OCM: variants seen among roughly 807,000 people sequenced by gnomAD.
The protein encoded by OCM is oncomodulin-1.
Under a neutral mutation model 14.1 loss-of-function variants are expected in OCM, and 18 were observed. The ratio of observed to expected loss-of-function variants is 1.28; its 90% CI spans 0.88 to 1.89. The LOEUF is 1.89. Among genes scored for constraint, OCM ranks in the 40% most tolerant of loss-of-function variants. The pLI, the probability that OCM is intolerant of heterozygous loss-of-function variation, is 0.00. For synonymous variants in OCM, 48 were observed against 51.0 expected (o/e 0.94, Z 0.25); for missense variants, 140 against 137.6 (o/e 1.02, Z -0.09).
intron 1 of OCM, among the ~76,000 whole-genome samples, chr7:5,882,082 T>C (rs1327546855): frequency 3.9e-4 from 21 of 53,492 alleles, no homozygotes; most frequent in African/African-American, 1.9e-3. Flanking sequence ...TGAGACTCTG[T>C]CTCAAAAAAA....
chr7:5,884,466 G>A (rs1781292631), intron 3 of OCM, among the ~76,000 whole-genome samples: 1 of 152,150 alleles, frequency 6.6e-6, no homozygotes, highest in Admixed American at 6.6e-5. Flanking sequence ...TTGGACATTA[G>A]CCCGCCAAGG....
At chr7:5,882,876 T>C (rs1445450240) in intron 2 of OCM, among the ~76,000 whole-genome samples, 3 of 144,014 alleles carry the variant, frequency 2.1e-5, no homozygotes, top group Non-Finnish European at 4.5e-5. Context: ...AGGGCCTCAC[T>C]CTGTTGCCCA....
Position 5,886,183 on chromosome 7 carries a change from C to T in OCM, c.*94C>T, listed in dbSNP as rs528888910. On this transcript the variant is annotated 3_prime_UTR_variant, in exon 4 of 4. Coordinates refer to ENST00000242104, the MANE Select transcript of OCM (RefSeq NM_001097622.2). ...GGGGAACCCCACATCCCATCCCTAC[C>T]TAATTTGTTAATTTTCCCTGAAAAC... The T allele has an allele frequency of 1.6e-4, 215 of 1,337,308 alleles. No individual in the cohort carries two copies. Among genetic ancestry groups the T allele is most frequent in the Non-Finnish European group, 2.0e-4 (189 of 947,062 alleles). 82.8% of individuals were successfully genotyped at this position (1,337,308 alleles called of 1,614,324 possible).
At chr7:5,880,107 T>G (rs1049542434), upstream of OCM, 1 of 152,206 alleles carries the variant, frequency 6.6e-6, no homozygotes, top group African/African-American at 2.4e-5. Flanking sequence ...TTCATCCATC[T>G]GCTTCCCACC....
At chr7:5,868,149 G>A in the OCM span, among the ~76,000 whole-genome samples, 12 of 151,814 alleles carry the variant, frequency 7.9e-5, no homozygotes, top group African/African-American at 1.7e-4. Context: ...TTTTGTTGTC[G>A]CTATTGTTTT....
chr7:5,868,935 C>T, the OCM span, among the ~76,000 whole-genome samples: 5 of 151,826 alleles, frequency 3.3e-5, no homozygotes, highest in African/African-American at 7.3e-5. Context: ...TAGTGGTGTC[C>T]GCCTGTAATC....
Position 5,883,868 on chromosome 7 carries a change from A to C in OCM, c.195-22A>C, listed in dbSNP as rs781733969. ...ATGCATGATCTTTTTGAAAATCCCC[A>C]TGGATCTTTATTATCCTGTAGGTTT... On this transcript the variant is annotated intron_variant, in intron 2 of 3. Transcript: ENST00000242104. 3 of 1,612,478 alleles carry C rather than the reference A, an allele frequency of 1.9e-6. No individual in the cohort carries two copies. The East Asian group carries it at 6.7e-5, about 36-fold the overall frequency.
upstream of OCM, among the ~76,000 whole-genome samples, chr7:5,876,320 T>G (rs182576618): frequency 5.9e-5 from 9 of 152,028 alleles, no homozygotes; most frequent in East Asian, 1.7e-3. Context: ...GATTTATGAT[T>G]ATTATTTTTT....
upstream of OCM, among the ~76,000 whole-genome samples, chr7:5,880,619 C>G (rs1208183217): frequency 6.6e-6 from 1 of 152,010 alleles, no homozygotes; most frequent in African/African-American, 2.4e-5. Flanking sequence ...ATTAGCCAGG[C>G]ATGGTAGTGC....
At chr7:5,864,320 C>G in the OCM span, among the ~76,000 whole-genome samples, 1 of 143,428 alleles carries the variant, frequency 7.0e-6, no homozygotes, top group Non-Finnish European at 1.5e-5. Context: ...GCACTCCAGC[C>G]TGGGTGACAG....
At chr7:5,865,117 C>T in the OCM span, among the ~76,000 whole-genome samples, 18 of 151,972 alleles carry the variant, frequency 1.2e-4, no homozygotes, top group African/African-American at 3.6e-4. Context: ...CCCAGTCACC[C>T]GATCCAGTCA....
the OCM span, among the ~76,000 whole-genome samples, chr7:5,861,246 A>AC: frequency 1.3e-5 from 2 of 151,912 alleles, no homozygotes; most frequent in Admixed American, 6.6e-5. Flanking sequence ...ACACGGTGAA[A>AC]CCCCATCTCT....
intron 1 of OCM, 71 bp downstream of exon 1, chr7:5,881,021 A>C: frequency 6.6e-7 from 1 of 1,513,108 alleles, no homozygotes; most frequent in Non-Finnish European, 9.2e-7. Context: ...ACACAAAATC[A>C]AAATGTAGGC....
chr7:5,877,547 G>C (rs1316032074), upstream of OCM, among the ~76,000 whole-genome samples: 1 of 151,094 alleles, frequency 6.6e-6, no homozygotes, highest in Non-Finnish European at 1.5e-5. Context: ...GGCCAGGCCC[G>C]GCTGCTCACA....
chr7:5,860,782 G>A, the OCM span, among the ~76,000 whole-genome samples: 2 of 119,520 alleles, frequency 1.7e-5, no homozygotes, highest in African/African-American at 7.6e-5. Context: ...ATATATACGT[G>A]TATATATACA....
chr7:5,876,472 C>G (rs1320407035), upstream of OCM, among the ~76,000 whole-genome samples: 1 of 152,088 alleles, frequency 6.6e-6, no homozygotes, highest in Non-Finnish European at 1.5e-5. Flanking sequence ...CTTTAAGGGG[C>G]TGGGCGAGGT....
At chr7:5,876,996 G>A (rs1781108659), upstream of OCM, among the ~76,000 whole-genome samples, 1 of 152,036 alleles carries the variant, frequency 6.6e-6, no homozygotes, top group South Asian at 2.1e-4. Context: ...GTAGAGACGG[G>A]GGTTTCTCCA....
At chr7:5,869,414 A>T in the OCM span, among the ~76,000 whole-genome samples, 1 of 152,034 alleles carries the variant, frequency 6.6e-6, no homozygotes, top group African/African-American at 2.4e-5. Flanking sequence ...CCTGACCAAC[A>T]TGGTGAAACC....
chr7:5,868,238 C>T, the OCM span, among the ~76,000 whole-genome samples: 1 of 152,112 alleles, frequency 6.6e-6, no homozygotes, highest in South Asian at 2.1e-4. Flanking sequence ...CCTCAACCAC[C>T]TGGGCTCAAG....
Sources: allele counts gnomAD v4.1 joint callset (sites outside exome capture counted in the v4.1 genomes callset), GRCh38; gene constraint gnomAD v4.1.1; transcripts MANE v1.5; gene names NCBI Gene and HGNC (gene_info 2026-07-23, HGNC 2026-07-21).